The following ENTPD5 variants were observed in gnomAD, a reference collection of about 807,000 sequenced individuals.
ENTPD5 encodes ectonucleoside triphosphate diphosphohydrolase 5 (inactive), also known as nucleoside diphosphate phosphatase ENTPD5.
A neutral mutation model predicts 60.2 loss-of-function variants in ENTPD5; 49 were observed. The ratio of observed to expected loss-of-function variants is 0.81; its 90% CI spans 0.65 to 1.03. The LOEUF is 1.03. ENTPD5 is among the 50% of genes least tolerant of loss of function. The pLI, the probability that ENTPD5 is intolerant of heterozygous loss-of-function variation, is 0.00. For synonymous variants in ENTPD5, 187 were observed against 185.4 expected, an observed-to-expected ratio of 1.01 and a Z score of -0.07; for missense variants, 480 against 507.6, an observed-to-expected ratio of 0.95 and a Z score of 0.52.
intron 3 of ENTPD5, among the ~76,000 whole-genome samples, chr14:73,995,585 AAATAATAAT>A (rs34846091): frequency 9.7e-5 from 14 of 144,222 alleles, no homozygotes; most frequent in Admixed American, 3.5e-4. Context: ...ACTCTATCTC[AAATAATAAT>A]AATAATAATA....
chr14:73,961,958 T>C (rs1254334148), downstream of ENTPD5: 5 of 1,600,638 alleles, frequency 3.1e-6, no homozygotes, highest in Non-Finnish European at 4.3e-6. Flanking sequence ...TTCTTTTGCT[T>C]TTTTTTGAAA....
downstream of ENTPD5, chr14:73,958,608 C>T: frequency 1.6e-6 from 2 of 1,288,026 alleles, no homozygotes; most frequent in Admixed American, 3.3e-5. Flanking sequence ...CTCCTTTCTG[C>T]TCACAAGCTT....
intron 3 of ENTPD5, among the ~76,000 whole-genome samples, chr14:73,993,525 C>T (rs931625466): frequency 6.6e-6 from 1 of 152,150 alleles, no homozygotes; most frequent in African/African-American, 2.4e-5. Context: ...AACTTCATCC[C>T]AGGAAATCAA....
At position 73,985,631 on chromosome 14, in the gene ENTPD5, C is replaced by A. The variant is rs183121542; in HGVS notation, c.297+1183G>T. On this transcript the variant is annotated intron_variant, in intron 5 of 15. Transcript: ENST00000334696. ...AAATTTGTTAAGTTCTTTGCAGATT[C>A]TGGATATTAGCCCTTTGTCAGGTGG... is the stretch of plus-strand genomic sequence containing the variant. Among the ~76,000 whole-genome samples, 587 of 152,236 alleles carry A rather than the reference C, an allele frequency of 3.9e-3. 2 individuals carry two copies. The highest frequency in any genetic ancestry group is 6.5e-3 in the Non-Finnish European group (443 of 68,016).
At chr14:74,004,078 A>C (rs12887915) in intron 3 of ENTPD5, among the ~76,000 whole-genome samples, 106,936 of 152,048 alleles carry the variant, frequency 0.7, 38,076 homozygotes, top group South Asian at 0.78. Flanking sequence ...GCACTCCAGC[A>C]TGGGTGACAG....
At chr14:73,995,272 T>A (rs570465105) in intron 3 of ENTPD5, among the ~76,000 whole-genome samples, 1 of 152,164 alleles carries the variant, frequency 6.6e-6, no homozygotes, top group African/African-American at 2.4e-5. Flanking sequence ...GTTCTCAAAC[T>A]TCTGGTCTCA....
intron 15 of ENTPD5, among the ~76,000 whole-genome samples, 171 bp downstream of exon 15, chr14:73,969,839 T>C (rs550968678): frequency 1.3e-5 from 2 of 152,360 alleles, no homozygotes; most frequent in Non-Finnish European, 2.9e-5. Context: ...TACCATTGCA[T>C]TGAGATAATT....
intron 3 of ENTPD5, among the ~76,000 whole-genome samples, chr14:73,995,222 A>G (rs1031377517): frequency 2.6e-5 from 4 of 151,700 alleles, no homozygotes; most frequent in Non-Finnish European, 5.9e-5. Flanking sequence ...CTAATTTTGT[A>G]TTTTTAATAG....
intron 3 of ENTPD5, among the ~76,000 whole-genome samples, chr14:74,005,582 T>C (rs1030859334): frequency 6.0e-5 from 9 of 151,078 alleles, no homozygotes; most frequent in Non-Finnish European, 1.3e-4. Flanking sequence ...CTGAGGGGAG[T>C]GGATCACCTG....
chr14:73,994,270 C>T (rs1217349024), intron 3 of ENTPD5, among the ~76,000 whole-genome samples: 2 of 151,834 alleles, frequency 1.3e-5, no homozygotes, highest in African/African-American at 2.4e-5. Flanking sequence ...GGATTACAGG[C>T]GCATACCACC....
downstream of ENTPD5, among the ~76,000 whole-genome samples, chr14:73,962,095 C>G (rs1245525717): frequency 1.3e-5 from 2 of 151,698 alleles, no homozygotes; most frequent in East Asian, 3.9e-4. Context: ...TTACAGGCGC[C>G]CACCACCACA....
In ENTPD5 at chr14:74,003,597, A is replaced by G. The variant is rs184170532; in HGVS notation, c.-71+7494T>C. On this transcript the variant is annotated intron_variant, in intron 3 of 15. Transcript: ENST00000334696. ...GTGTAGAGCTTGTCTCAATGGATCC[A>G]GAACTTCACCGCCCTCTGATCGCTG... is the stretch of plus-strand genomic sequence containing the variant. 113 of 547,762 alleles carry G rather than the reference A, an allele frequency of 2.1e-4. No individual in the cohort carries two copies. In the East Asian group the frequency reaches 4.8e-3, roughly 23 times the overall value. 33.9% of individuals were successfully genotyped at this position (547,762 alleles called of 1,614,324 possible). A position where few individuals can be genotyped will look rare whatever the true frequency, so the allele number is the denominator to read the frequency against.
intron 15 of ENTPD5, among the ~76,000 whole-genome samples, chr14:73,968,049 G>A (rs542991943): frequency 2.0e-4 from 30 of 152,198 alleles, no homozygotes; most frequent in Admixed American, 4.6e-4. Context: ...AGTTGAACCC[G>A]GGAGGTGGAG....
chr14:73,977,387 GAAAAAA>G lies in ENTPD5; in HGVS notation c.442-19_442-14del. 1 of 1,152,370 alleles carries G rather than the reference GAAAAAA, an allele frequency of 8.7e-7. No homozygotes were observed. Among genetic ancestry groups the G allele is most frequent in the Non-Finnish European group, 1.2e-6 (1 of 822,790 alleles). 71.4% of individuals were successfully genotyped at this position (1,152,370 alleles called of 1,614,324 possible). A position where few individuals can be genotyped will look rare whatever the true frequency, so the allele number is the denominator to read the frequency against. On this transcript the variant is annotated splice_polypyrimidine_tract_variant and intron_variant, in intron 6 of 15. Transcript: ENST00000334696. ...AGATCTCCTTTACCTAGAGAAAAAG[GAAAAAA>G]AAAAAAAAAGAATTCCCTAAGGCAA...
chr14:74,014,442 T>C (rs2058950352), intron 2 of ENTPD5, among the ~76,000 whole-genome samples: 1 of 150,564 alleles, frequency 6.6e-6, no homozygotes, highest in Non-Finnish European at 1.5e-5. Flanking sequence ...TCCTAGCTAC[T>C]CAGGAGACTG....
chr14:73,959,578 GTTGT>G (rs1566690064), downstream of ENTPD5: 2 of 1,608,970 alleles, frequency 1.2e-6, no homozygotes, highest in Admixed American at 1.7e-5. Context: ...ACAGAAAGGT[GTTGT>G]TTTTTTTTTT....
downstream of ENTPD5, chr14:73,961,916 T>A (rs1327768951): frequency 6.2e-7 from 1 of 1,613,956 alleles, no homozygotes; most frequent in East Asian, 2.2e-5. Context: ...AAGAGGTTGC[T>A]CAGAGGAATG....
At chr14:73,977,480 C>T in intron 6 of ENTPD5, 106 bp from the exon 7 acceptor site, 2 of 856,492 alleles carry the variant, frequency 2.3e-6, no homozygotes, top group South Asian at 3.5e-5. Flanking sequence ...TCCATTTTTC[C>T]TAGATAAAAT....
chr14:73,994,240 C>T (rs1022546805), intron 3 of ENTPD5, among the ~76,000 whole-genome samples: 1 of 151,970 alleles, frequency 6.6e-6, no homozygotes, highest in African/African-American at 2.4e-5. Context: ...AGTCTCTTGC[C>T]TCAGCCTCCC....
Sources: allele counts gnomAD v4.1 joint callset (sites outside exome capture counted in the v4.1 genomes callset), GRCh38; gene constraint gnomAD v4.1.1; transcripts MANE v1.5; gene names NCBI Gene and HGNC (gene_info 2026-07-23, HGNC 2026-07-21).